CDH12: variants seen among roughly 807,000 people sequenced by gnomAD.
CDH12 encodes cadherin 12.
A neutral mutation model predicts 74.1 loss-of-function variants in CDH12; 41 were observed. The observed-to-expected ratio is 0.55, with a 90% CI of 0.43 to 0.72. The LOEUF (loss-of-function observed/expected upper bound fraction) is 0.72, where lower values mean the gene tolerates loss of function less well. CDH12 is among the 30% of genes least tolerant of loss of function. CDH12 has a pLI of 0.00. For missense variants in CDH12, 945 were observed against 977.2 expected, an observed-to-expected ratio of 0.97 and a Z score of 0.44; for synonymous variants, 399 against 355.0, an observed-to-expected ratio of 1.12 and a Z score of -1.39.
intron 1 of CDH12, among the ~76,000 whole-genome samples, chr5:22,843,496 T>TGTGTGAAA (rs1737168147): frequency 6.6e-6 from 1 of 152,018 alleles, no homozygotes; most frequent in South Asian, 2.1e-4. Context: ...CTTCCTCTAT[T>TGTGTGAAA]GTGTGAAAGT....
chr5:22,535,719 G>A (rs1737816251), intron 1 of CDH12, among the ~76,000 whole-genome samples: 1 of 152,052 alleles, frequency 6.6e-6, no homozygotes, highest in Admixed American at 6.6e-5. Context: ...ATATAAAATG[G>A]GATGTCCCCT....
chr5:21,937,175 C>T (rs1479460776), intron 6 of CDH12, among the ~76,000 whole-genome samples: 2 of 152,170 alleles, frequency 1.3e-5, no homozygotes, highest in African/African-American at 4.8e-5. Flanking sequence ...GATGATGGAA[C>T]AGGTACATAA....
intron 2 of CDH12, among the ~76,000 whole-genome samples, chr5:22,414,126 G>C (rs1743282796): frequency 6.6e-6 from 1 of 151,948 alleles, no homozygotes; most frequent in East Asian, 1.9e-4. Flanking sequence ...GAAAATATTT[G>C]AGCTAATTCC....
At chr5:22,606,379 T>A (rs369898096) in intron 1 of CDH12, among the ~76,000 whole-genome samples, 6 of 152,324 alleles carry the variant, frequency 3.9e-5, no homozygotes, top group Admixed American at 2.6e-4. Context: ...TTTAGCTCCG[T>A]GTCCCCACAA....
At chr5:22,373,302 G>A (rs567452872) in intron 3 of CDH12, among the ~76,000 whole-genome samples, 1 of 152,218 alleles carries the variant, frequency 6.6e-6, no homozygotes, top group African/African-American at 2.4e-5. Context: ...GACCTGCCCA[G>A]CCCATTGCAG....
At chr5:21,857,748 G>A (rs559635906) in intron 6 of CDH12, among the ~76,000 whole-genome samples, 1 of 151,826 alleles carries the variant, frequency 6.6e-6, no homozygotes, top group African/African-American at 2.4e-5. Context: ...CATGAGATCC[G>A]ATTTGGATAT....
At chr5:22,842,772 G>A (rs913669740) in intron 1 of CDH12, among the ~76,000 whole-genome samples, 1 of 151,980 alleles carries the variant, frequency 6.6e-6, no homozygotes, top group Admixed American at 6.6e-5. Context: ...GACTATGAGA[G>A]GTTTTAATAT....
rs140275966 is a variant in CDH12 at position 22,078,910 on chromosome 5, A to G, written c.-186-48T>C. ...TACATTAAATTAATGAAATTGCATG[A>G]TGATATTCATCACAACGCTCATTAT... On this transcript the variant is annotated intron_variant, in intron 4 of 14. Coordinates refer to ENST00000382254, the MANE Select transcript of CDH12 (RefSeq NM_004061.5). 4,757 of 1,026,822 alleles carry G rather than the reference A, an allele frequency of 4.6e-3. 13 individuals are homozygous for G. The highest frequency in any genetic ancestry group is 5.5e-3 in the Non-Finnish European group (4,353 of 791,314). 63.6% of individuals were successfully genotyped at this position (1,026,822 alleles called of 1,614,324 possible). A position where few individuals can be genotyped will look rare whatever the true frequency, so the allele number is the denominator to read the frequency against.
intron 6 of CDH12, among the ~76,000 whole-genome samples, chr5:21,898,639 T>C (rs1208973714): frequency 4.6e-5 from 7 of 151,936 alleles, no homozygotes; most frequent in African/African-American, 1.7e-4. Context: ...GAGGCTGAGG[T>C]TGAAATGAGC....
chr5:22,235,934 G>A (rs967862591), intron 3 of CDH12, among the ~76,000 whole-genome samples: 1 of 152,152 alleles, frequency 6.6e-6, no homozygotes, highest in African/African-American at 2.4e-5. Context: ...ATTGCTTCTA[G>A]GTTACAGACA....
intron 6 of CDH12, among the ~76,000 whole-genome samples, chr5:21,865,948 T>A (rs933227364): frequency 6.6e-6 from 1 of 152,208 alleles, no homozygotes; most frequent in African/African-American, 2.4e-5. Context: ...AGGGACACCA[T>A]GTGAGATAAT....
chr5:22,172,972 T>A (rs920711833), intron 4 of CDH12, among the ~76,000 whole-genome samples: 1 of 151,574 alleles, frequency 6.6e-6, no homozygotes, highest in Non-Finnish European at 1.5e-5. Flanking sequence ...CCAAGACTCA[T>A]TAATCAGAAC....
intron 1 of CDH12, among the ~76,000 whole-genome samples, chr5:22,836,223 C>CTTGTTTTTTTTTTTT (rs1736815923): frequency 1.5e-5 from 1 of 65,506 alleles, no homozygotes; most frequent in Non-Finnish European, 2.6e-5. Context: ...CTTTCTTTCT[C>CTTGTTTTTTTTTTTT]TTTTTTTTTT....
At chr5:22,301,209 G>A (rs1402687895) in intron 3 of CDH12, among the ~76,000 whole-genome samples, 1 of 152,094 alleles carries the variant, frequency 6.6e-6, no homozygotes, top group African/African-American at 2.4e-5. Context: ...TGCTGGAATA[G>A]GGTGGCTATT....
chr5:22,109,601 C>T (rs756537766), intron 4 of CDH12, among the ~76,000 whole-genome samples: 10 of 152,164 alleles, frequency 6.6e-5, no homozygotes, highest in Admixed American at 6.6e-4. Context: ...AGCAGGCTGA[C>T]ATCTTAAGCA....
chr5:22,647,790 A>G (rs1165076832), intron 1 of CDH12, among the ~76,000 whole-genome samples: 4 of 151,874 alleles, frequency 2.6e-5, no homozygotes, highest in Non-Finnish European at 5.9e-5. Context: ...TACTCTGATT[A>G]CAATATTTAT....
chr5:22,758,115 C>T lies in CDH12; in HGVS notation c.-523+94943G>A, dbSNP rs73068160. 4.5e-3 allele frequency among the ~76,000 whole-genome samples: 684 copies of T among 152,226 alleles called. 6 individuals are homozygous for T. Among genetic ancestry groups the T allele is most frequent in the African/African-American group, 0.015 (638 of 41,530 alleles). ...CACTGCTGGAGACTGATAGTGCAGG[C>T]GGCCGATACCCATGGCAGGAGCTCT... On this transcript the variant is annotated intron_variant, in intron 1 of 14. Coordinates refer to ENST00000382254, the MANE Select transcript of CDH12 (RefSeq NM_004061.5).
intron 1 of CDH12, among the ~76,000 whole-genome samples, chr5:22,683,000 T>A (rs952136453): frequency 2.0e-5 from 3 of 152,128 alleles, no homozygotes; most frequent in Non-Finnish European, 4.4e-5. Context: ...TCTATTTTTC[T>A]ACAGTTTTCA....
intron 3 of CDH12, among the ~76,000 whole-genome samples, chr5:22,256,376 C>T (rs776590491): frequency 5.9e-5 from 9 of 152,142 alleles, no homozygotes; most frequent in South Asian, 2.1e-4. Flanking sequence ...GCATTACTCA[C>T]GTCTGTGGTG....
Sources: allele counts gnomAD v4.1 joint callset (sites outside exome capture counted in the v4.1 genomes callset), GRCh38; gene constraint gnomAD v4.1.1; transcripts MANE v1.5; gene names NCBI Gene and HGNC (gene_info 2026-07-23, HGNC 2026-07-21).